CNTNAP2: variants seen among roughly 807,000 people sequenced by gnomAD.
The protein encoded by CNTNAP2 is contactin associated protein 2.
A neutral mutation model predicts 155.2 loss-of-function variants in CNTNAP2; 98 were observed. The observed-to-expected ratio is 0.63, with a 90% CI of 0.54 to 0.75. The LOEUF is 0.75. Ranked by LOEUF, CNTNAP2 falls within the 30% of genes least tolerant of loss-of-function variation. CNTNAP2 has a pLI of 0.00. For synonymous variants in CNTNAP2, 651 were observed against 631.2 expected (o/e 1.03, Z -0.47); for missense variants, 1,727 against 1,688.1 (o/e 1.02, Z -0.40).
chr7:146,419,045 GAGATT>G (rs1795974929), intron 1 of CNTNAP2, among the ~76,000 whole-genome samples: 1 of 152,154 alleles, frequency 6.6e-6, no homozygotes, highest in South Asian at 2.1e-4. Context: ...AGTCATACCT[GAGATT>G]GGGGTATGCC....
intron 21 of CNTNAP2, among the ~76,000 whole-genome samples, chr7:148,335,797 A>C (rs1218921701): frequency 1.3e-5 from 2 of 152,194 alleles, no homozygotes; most frequent in African/African-American, 4.8e-5. Context: ...TTATTTACTT[A>C]ACATTGCCTT....
chr7:146,759,714 T>TG (rs1802057558), intron 1 of CNTNAP2, among the ~76,000 whole-genome samples: 9 of 49,700 alleles, frequency 1.8e-4, no homozygotes, highest in Non-Finnish European at 2.8e-4. Context: ...AAAAAAAAGG[T>TG]GGGTGGGGTG....
At chr7:146,258,594 G>T (rs1332441732) in intron 1 of CNTNAP2, among the ~76,000 whole-genome samples, 2 of 152,070 alleles carry the variant, frequency 1.3e-5, no homozygotes, top group African/African-American at 4.8e-5. Context: ...TATAGTGATG[G>T]ATCAAATATA....
intron 8 of CNTNAP2, among the ~76,000 whole-genome samples, chr7:147,204,188 T>C (rs1318418600): frequency 3.3e-5 from 5 of 151,916 alleles, no homozygotes; most frequent in Non-Finnish European, 7.4e-5. Context: ...GAGCAGCTTA[T>C]GCCAATATAT....
chr7:147,412,638 T>A (rs1429101777), intron 10 of CNTNAP2, among the ~76,000 whole-genome samples: 2 of 151,998 alleles, frequency 1.3e-5, no homozygotes, highest in Non-Finnish European at 2.9e-5. Context: ...TTTTATAGAA[T>A]GAATGGAAAA....
chr7:146,158,923 C>T (rs1355211118), intron 1 of CNTNAP2, among the ~76,000 whole-genome samples: 1 of 152,038 alleles, frequency 6.6e-6, no homozygotes, highest in African/African-American at 2.4e-5. Context: ...AAGAGCAACT[C>T]CAAGATACAT....
At chr7:147,012,163 G>A (rs748077532) in intron 3 of CNTNAP2, among the ~76,000 whole-genome samples, 5 of 152,152 alleles carry the variant, frequency 3.3e-5, no homozygotes, top group African/African-American at 1.2e-4. Flanking sequence ...GTGGGAAGGA[G>A]TCACCCCTTT....
At chr7:148,058,168 G>C (rs901083086) in intron 15 of CNTNAP2, among the ~76,000 whole-genome samples, 3 of 152,010 alleles carry the variant, frequency 2.0e-5, no homozygotes, top group East Asian at 3.9e-4. Flanking sequence ...TACATGAAGA[G>C]AGAGCATGGT....
intron 1 of CNTNAP2, among the ~76,000 whole-genome samples, chr7:146,731,728 T>C (rs1480179117): frequency 6.6e-6 from 1 of 152,192 alleles, no homozygotes; most frequent in Non-Finnish European, 1.5e-5. Flanking sequence ...ATAAAATTAT[T>C]TGTGCCTGGG....
At chr7:147,915,658 T>C (rs1800146040) in intron 14 of CNTNAP2, among the ~76,000 whole-genome samples, 1 of 151,956 alleles carries the variant, frequency 6.6e-6, no homozygotes, top group African/African-American at 2.4e-5. Context: ...TGAAGGCCAT[T>C]TTCATTAAGT....
At chr7:147,739,005 T>C (rs766083795) in intron 13 of CNTNAP2, among the ~76,000 whole-genome samples, 2 of 152,118 alleles carry the variant, frequency 1.3e-5, no homozygotes, top group African/African-American at 2.4e-5. Context: ...CTGTGACTGT[T>C]TTGTAGTATT....
Position 146,153,510 on chromosome 7 carries a change from G to A in CNTNAP2, c.97+36537G>A, listed in dbSNP as rs553000891. Among the ~76,000 whole-genome samples the A allele has an allele frequency of 1.8e-4, 28 of 152,228 alleles. No individual in the cohort carries two copies. In the South Asian group the frequency reaches 1.9e-3, roughly 10 times the overall value. On this transcript the variant is annotated intron_variant, in intron 1 of 23. Coordinates refer to ENST00000361727, the MANE Select transcript of CNTNAP2 (RefSeq NM_014141.6). ...GGCTGTTGAGAAATGGGTGGATCAC[G>A]TAGAATAAGGCTTACAAAACCACTA... is the stretch of plus-strand genomic sequence containing the variant.
chr7:148,344,273 C>T (rs186009203), intron 21 of CNTNAP2, among the ~76,000 whole-genome samples: 1,773 of 152,186 alleles, frequency 0.012, 14 homozygotes, highest in Non-Finnish European at 0.018. Context: ...ATATGGAGAG[C>T]AAAACCGAGT....
chr7:147,035,792 G>A (rs966809540), intron 3 of CNTNAP2, among the ~76,000 whole-genome samples: 1 of 151,958 alleles, frequency 6.6e-6, no homozygotes, highest in Non-Finnish European at 1.5e-5. Flanking sequence ...TGAGGATTTA[G>A]TTAGGAATAA....
chr7:147,959,816 T>C (rs915414350), intron 14 of CNTNAP2, among the ~76,000 whole-genome samples: 3 of 152,220 alleles, frequency 2.0e-5, no homozygotes, highest in African/African-American at 7.2e-5. Flanking sequence ...GTCCTCAACT[T>C]GGTTCAGGAT....
chr7:146,659,387 A>C (rs919440797), intron 1 of CNTNAP2, among the ~76,000 whole-genome samples: 2 of 152,196 alleles, frequency 1.3e-5, no homozygotes, highest in African/African-American at 4.8e-5. Context: ...TAGATGATAG[A>C]AGTTATTAGG....
At chr7:146,998,231 C>T (rs572087220) in intron 3 of CNTNAP2, among the ~76,000 whole-genome samples, 61 of 152,018 alleles carry the variant, frequency 4.0e-4, no homozygotes, top group African/African-American at 1.3e-3. Context: ...GTTGTGTTCC[C>T]ATTTATATTT....
intron 14 of CNTNAP2, among the ~76,000 whole-genome samples, chr7:147,957,350 G>A (rs181429965): frequency 1.3e-4 from 20 of 152,188 alleles, no homozygotes; most frequent in Middle Eastern, 3.4e-3. Context: ...AAGGAGTGAG[G>A]ACAAGAGAGT....
chr7:147,546,929 G>T (rs1799746428), intron 11 of CNTNAP2, among the ~76,000 whole-genome samples: 1 of 152,166 alleles, frequency 6.6e-6, no homozygotes, highest in East Asian at 1.9e-4. Flanking sequence ...ACCCTGCTCT[G>T]CAGTATCAAT....
Sources: gnomAD v4.1 joint callset for allele counts (sites outside exome capture counted in the v4.1 genomes callset) on GRCh38, gnomAD v4.1.1 for gene constraint, MANE v1.5 for transcripts, NCBI Gene and HGNC (gene_info 2026-07-23, HGNC 2026-07-21) for gene names.